Variants in SPAG9 observed in about 807,000 individuals in gnomAD.
SPAG9 encodes sperm associated antigen 9, also known as C-Jun-amino-terminal kinase-interacting protein 4.
Under a neutral mutation model 166.5 loss-of-function variants are expected in SPAG9, and 35 were observed. That is an observed-to-expected ratio of 0.21 (90% confidence interval 0.16 to 0.28). SPAG9 has a LOEUF of 0.28. Among genes scored for constraint, SPAG9 ranks in the 10% least tolerant of loss-of-function variants. The probability of loss-of-function intolerance (pLI) is 1.00; values close to 1 mark genes in which losing one functional copy is unlikely to be tolerated. For synonymous variants in SPAG9, 534 were observed against 565.5 expected (o/e 0.94, Z 0.79); for missense variants, 1,235 against 1,603.3 (o/e 0.77, Z 3.92).
In SPAG9 at chr17:51,052,782, G is replaced by A. The variant is rs192033979; in HGVS notation, c.495+3630C>T. On this transcript the variant is annotated intron_variant, in intron 3 of 29. Transcript: ENST00000262013. Reference sequence around the variant, plus strand: ...TAAAGAATGTATATATTTTAGGCCAGGCATGGTAGCTCACGCCTGTAATCC... The same window carrying A: ...TAAAGAATGTATATATTTTAGGCCAAGCATGGTAGCTCACGCCTGTAATCC... Among the ~76,000 whole-genome samples, 158 of 152,284 alleles carry A rather than the reference G, an allele frequency of 1.0e-3. 1 individual carries two copies. Among genetic ancestry groups the A allele is most frequent in the African/African-American group, 3.7e-3 (152 of 41,566 alleles).
At chr17:51,080,546 G>C (rs2048131866) in intron 1 of SPAG9, among the ~76,000 whole-genome samples, 3 of 152,048 alleles carry the variant, frequency 2.0e-5, no homozygotes, top group South Asian at 2.1e-4. Context: ...TTCCAGATTT[G>C]TATGTCCAAC....
chr17:51,037,687 T>TATATATATATATATATA (rs1568028331), intron 5 of SPAG9, among the ~76,000 whole-genome samples: 2 of 74,146 alleles, frequency 2.7e-5, no homozygotes, highest in African/African-American at 9.7e-5. Context: ...ATATATATAG[T>TATATATATATATATATA]GTGTGTGTGT....
intron 1 of SPAG9, among the ~76,000 whole-genome samples, chr17:51,094,022 A>C (rs150654712): frequency 2.8e-3 from 431 of 152,300 alleles, no homozygotes; most frequent in African/African-American, 0.01. Flanking sequence ...TCTACGTACT[A>C]AACAGTAATA....
At chr17:50,993,990 A>G (rs1975846763) in intron 18 of SPAG9, 55 bp from the exon 19 acceptor site, 1 of 1,469,104 alleles carries the variant, frequency 6.8e-7, no homozygotes, top group Non-Finnish European at 9.4e-7. Flanking sequence ...ACAAATATTC[A>G]TAAGGTGGTG....
At chr17:51,039,167 A>T (rs1379173644) in intron 5 of SPAG9, among the ~76,000 whole-genome samples, 1 of 152,230 alleles carries the variant, frequency 6.6e-6, no homozygotes, top group African/African-American at 2.4e-5. Flanking sequence ...TTATAAATTT[A>T]CACCTTCCAT....
intron 1 of SPAG9, among the ~76,000 whole-genome samples, chr17:51,099,775 A>T (rs548851026): frequency 6.7e-6 from 1 of 149,978 alleles, no homozygotes; most frequent in African/African-American, 2.4e-5. Flanking sequence ...AAAAAAAAAA[A>T]AAAAAAAAAA....
rs367843965 is a variant in SPAG9 at position 50,975,212 on chromosome 17, A to C, written c.3524-265T>G. ...TTTTTTAAACACATCTATTCATTTA[A>C]AAAATAATTTTAGTTAAAAAAAAAA... On this transcript the variant is annotated intron_variant, in intron 27 of 29. Transcript: ENST00000262013. 159 of 339,392 alleles carry C rather than the reference A, an allele frequency of 4.7e-4. 2 individuals carry two copies. In the South Asian group the frequency reaches 7.8e-3, roughly 17 times the overall value. The allele number at this position is 339,392 out of a possible 1,614,324, so 21.0% of individuals were successfully genotyped here. A position where few individuals can be genotyped will look rare whatever the true frequency, so the allele number is the denominator to read the frequency against.
At position 51,120,294 on chromosome 17, in the gene SPAG9, C is replaced by CT; in HGVS notation, c.303+59_303+60insA. 7.9e-7 allele frequency: 1 copy of CT among 1,268,686 alleles called. No individual in the cohort carries two copies. Among genetic ancestry groups the CT allele is most frequent in the Middle Eastern group, 2.7e-4 (1 of 3,672 alleles). The allele number at this position is 1,268,686 out of a possible 1,614,324, so 78.6% of individuals were successfully genotyped here. A position where few individuals can be genotyped will look rare whatever the true frequency, so the allele number is the denominator to read the frequency against. ...CCTCTAGTCCCCGACCGGGCCGCGA[C>CT]CCCGCCCCGGCCGCCCCCGGAGACG... On this transcript the variant is annotated intron_variant, in intron 1 of 29. Transcript: ENST00000262013. This position sits in a 1 kb window ranked among gnomAD's most constrained non-coding sequence, Gnocchi z 4.7.
At chr17:51,053,852 AAAGTATATATATATATATATATATAT>A (rs1193698393) in intron 3 of SPAG9, among the ~76,000 whole-genome samples, 1 of 49,330 alleles carries the variant, frequency 2.0e-5, no homozygotes, top group Non-Finnish European at 3.4e-5. Context: ...AAAAAAAAAA[AAAGTATATATATATATATATATATAT>A]ATATATATAT....
intron 21 of SPAG9, among the ~76,000 whole-genome samples, chr17:50,988,843 T>G (rs1377075101): frequency 6.6e-6 from 1 of 152,218 alleles, no homozygotes; most frequent in Non-Finnish European, 1.5e-5. Context: ...CATGAGCCAC[T>G]GGAACTATCT....
At chr17:50,976,776 A>C (rs1318349427) in intron 27 of SPAG9, 1 of 190,988 alleles carries the variant, frequency 5.2e-6, no homozygotes, top group Non-Finnish European at 1.1e-5. Context: ...GATATGAAAA[A>C]CTAAGATGAA....
chr17:51,100,350 A>C (rs1001298985), intron 1 of SPAG9, among the ~76,000 whole-genome samples: 1 of 151,430 alleles, frequency 6.6e-6, no homozygotes, highest in African/African-American at 2.4e-5. Flanking sequence ...CACACCTATA[A>C]TCCCAGCACT....
At chr17:50,996,504 A>C (rs901024591) in intron 16 of SPAG9, 61 bp downstream of exon 16, 300 of 1,597,328 alleles carry the variant, frequency 1.9e-4, no homozygotes, top group Non-Finnish European at 2.5e-4. Context: ...CTTCATGCCC[A>C]CGCACACTCA....
intron 1 of SPAG9, among the ~76,000 whole-genome samples, chr17:51,092,921 GAGCA>G (rs1460548405): frequency 6.6e-6 from 1 of 151,908 alleles, no homozygotes; most frequent in Non-Finnish European, 1.5e-5. Context: ...CTGGGCTACA[GAGCA>G]AGCAAATGTC....
At chr17:51,028,215 TA>T (rs2046262825) in intron 6 of SPAG9, among the ~76,000 whole-genome samples, 1 of 151,358 alleles carries the variant, frequency 6.6e-6, no homozygotes, top group African/African-American at 2.5e-5. Context: ...TTAAAGTTTA[TA>T]AAGTAAATAA....
At chr17:51,076,112 A>G (rs1353912379) in intron 2 of SPAG9, among the ~76,000 whole-genome samples, 2 of 151,804 alleles carry the variant, frequency 1.3e-5, no homozygotes, top group African/African-American at 4.8e-5. Context: ...AGGAAAAGAA[A>G]AAAGAAAAAG....
At chr17:51,060,160 T>G (rs1007414861) in intron 2 of SPAG9, among the ~76,000 whole-genome samples, 5 of 151,938 alleles carry the variant, frequency 3.3e-5, no homozygotes, top group Admixed American at 6.6e-5. Context: ...AATTCATAGG[T>G]TGAAGCTCTA....
At position 51,120,301 on chromosome 17, in the gene SPAG9, C is replaced by G. The variant is rs1328618224; in HGVS notation, c.303+53G>C. 5 of 1,438,710 alleles carry G rather than the reference C, an allele frequency of 3.5e-6. No homozygotes were observed. The highest frequency in any genetic ancestry group is 4.6e-6 in the Non-Finnish European group (5 of 1,093,666). The allele number at this position is 1,438,710 out of a possible 1,614,324, so 89.1% of individuals were successfully genotyped here. A position where few individuals can be genotyped will look rare whatever the true frequency, so the allele number is the denominator to read the frequency against. On this transcript the variant is annotated intron_variant, in intron 1 of 29. Transcript: ENST00000262013. The surrounding 1 kb of genome is among the most constrained non-coding windows in gnomAD (Gnocchi z 4.7). The stretch of plus-strand genomic sequence containing the variant: ...TCCCCGACCGGGCCGCGACCCCGCC[C>G]CGGCCGCCCCCGGAGACGGATCCCG...
At chr17:51,044,214 C>G (rs984534887) in intron 4 of SPAG9, among the ~76,000 whole-genome samples, 2 of 152,138 alleles carry the variant, frequency 1.3e-5, no homozygotes, top group African/African-American at 2.4e-5. Flanking sequence ...TCATGAGAAT[C>G]CTACTTTTGA....
Sources: allele counts gnomAD v4.1 joint callset (sites outside exome capture counted in the v4.1 genomes callset), GRCh38; gene constraint gnomAD v4.1.1; non-coding constraint Gnocchi (gnomAD v3.1); transcripts MANE v1.5; gene names NCBI Gene and HGNC (gene_info 2026-07-23, HGNC 2026-07-21).